Variants in SGMS1 observed in about 807,000 individuals in gnomAD.
SGMS1 encodes the protein sphingomyelin synthase 1, also known as phosphatidylcholine:ceramide cholinephosphotransferase 1.
Under a neutral mutation model 46.2 loss-of-function variants are expected in SGMS1, and 13 were observed. The ratio of observed to expected loss-of-function variants is 0.28; its 90% CI spans 0.18 to 0.45. SGMS1 has a LOEUF of 0.45. Ranked by LOEUF, SGMS1 falls within the 20% of genes least tolerant of loss-of-function variation. The pLI, the probability that SGMS1 is intolerant of heterozygous loss-of-function variation, is 1.00. For synonymous variants in SGMS1, 203 were observed against 187.8 expected (o/e 1.08, Z -0.66); for missense variants, 324 against 519.9 (o/e 0.62, Z 3.66).
rs553846281 is a variant in SGMS1, at chr10:50,596,375, G to A, written c.-683-6128C>T. On this transcript the variant is annotated intron_variant, in intron 1 of 10. Coordinates refer to ENST00000361781, the MANE Select transcript of SGMS1 (RefSeq NM_147156.4). Reference sequence around the variant, plus strand: ...GTATTTTCAGTAGAGACAGGGTTTCGCCATGTTGGCTAAGCTGGTCTTGAA... The same window carrying A: ...GTATTTTCAGTAGAGACAGGGTTTCACCATGTTGGCTAAGCTGGTCTTGAA... Among the ~76,000 whole-genome samples the A allele has an allele frequency of 1.8e-4, 27 of 152,190 alleles. No individual in the cohort carries two copies. The South Asian group carries it at 3.7e-3, about 21-fold the overall frequency.
chr10:50,532,463 T>G (rs563183263), intron 2 of SGMS1, among the ~76,000 whole-genome samples: 35 of 152,128 alleles, frequency 2.3e-4, no homozygotes, highest in Non-Finnish European at 4.7e-4. Flanking sequence ...TTAGAAGTGT[T>G]TTGGTCCTTA....
At chr10:50,372,830 T>C (rs1000440508) in intron 6 of SGMS1, among the ~76,000 whole-genome samples, 1 of 152,174 alleles carries the variant, frequency 6.6e-6, no homozygotes, top group Non-Finnish European at 1.5e-5. Context: ...GGTAAAAAAT[T>C]TCTTAAATAT....
intron 2 of SGMS1, among the ~76,000 whole-genome samples, chr10:50,521,786 A>T (rs1382733778): frequency 1.3e-5 from 2 of 152,100 alleles, no homozygotes; most frequent in Non-Finnish European, 2.9e-5. Context: ...CAAAAGTGAT[A>T]TTTTCTTCTC....
chr10:50,459,429 G>A lies in SGMS1; in HGVS notation c.-313+1244C>T, dbSNP rs1046681810. Among the ~76,000 whole-genome samples, 161 of 152,184 alleles carry A rather than the reference G, an allele frequency of 1.1e-3. 1 individual carries two copies. Among genetic ancestry groups the A allele is most frequent in the African/African-American group, 3.5e-3 (147 of 41,540 alleles). The stretch of plus-strand genomic sequence containing the variant: ...AATAAGAATTTTTTTTTTAGACGGA[G>A]TTTCACTCTTGTTGCCCAGGCTGGA... On this transcript the variant is annotated intron_variant, in intron 5 of 10. Transcript: ENST00000361781.
At chr10:50,399,802 G>A (rs1450979368) in intron 6 of SGMS1, among the ~76,000 whole-genome samples, 3 of 152,086 alleles carry the variant, frequency 2.0e-5, no homozygotes, top group African/African-American at 7.2e-5. Flanking sequence ...GCCGAGGCAG[G>A]CGGATCACGA....
intron 1 of SGMS1, among the ~76,000 whole-genome samples, chr10:50,597,781 G>A (rs1433006508): frequency 6.6e-6 from 1 of 152,106 alleles, no homozygotes; most frequent in Non-Finnish European, 1.5e-5. Context: ...GGGAGGCCGA[G>A]GCAGGTGGAT....
chr10:50,385,359 C>A (rs1030162025), intron 6 of SGMS1, among the ~76,000 whole-genome samples: 3 of 152,142 alleles, frequency 2.0e-5, no homozygotes, highest in African/African-American at 7.2e-5. Context: ...AGTTTTGAAT[C>A]AGGTAGACTT....
chr10:50,375,132 G>A (rs929352646), intron 6 of SGMS1, among the ~76,000 whole-genome samples: 5 of 152,052 alleles, frequency 3.3e-5, no homozygotes, highest in African/African-American at 9.7e-5. Flanking sequence ...AAGAAGTAAG[G>A]AAGTGGGATT....
rs12243860 is a variant in SGMS1, at chr10:50,600,593, G to T, written c.-683-10346C>A. On this transcript the variant is annotated intron_variant, in intron 1 of 10. Transcript: ENST00000361781. Reference sequence around the variant, plus strand: ...ATATGCTTCTCTCCCATCAACAGCTGGGCTGTTGAGCAGATGCCAAATTGA... The same window carrying T: ...ATATGCTTCTCTCCCATCAACAGCTTGGCTGTTGAGCAGATGCCAAATTGA... 3.5e-3 allele frequency among the ~76,000 whole-genome samples: 533 copies of T among 152,298 alleles called. 5 individuals are homozygous for T. Among genetic ancestry groups the T allele is most frequent in the African/African-American group, 0.012 (481 of 41,546 alleles).
At chr10:50,538,173 C>G (rs895968917) in intron 2 of SGMS1, among the ~76,000 whole-genome samples, 2 of 12,850 alleles carry the variant, frequency 1.6e-4, no homozygotes, top group Non-Finnish European at 3.3e-4. Flanking sequence ...AAGAGCTTAT[C>G]AGGGGTGGGT....
At chr10:50,393,609 C>T (rs1275909935) in intron 6 of SGMS1, among the ~76,000 whole-genome samples, 2 of 152,130 alleles carry the variant, frequency 1.3e-5, no homozygotes, top group African/African-American at 4.8e-5. Context: ...TTCCTAGTAA[C>T]TCCATTTCAT....
chr10:50,355,073 C>T (rs1367153734), intron 6 of SGMS1, among the ~76,000 whole-genome samples: 1 of 152,146 alleles, frequency 6.6e-6, no homozygotes, highest in South Asian at 2.1e-4. Context: ...ATCATTTGAC[C>T]CAGCCATCCC....
chr10:50,582,856 A>C (rs932700572), intron 2 of SGMS1, among the ~76,000 whole-genome samples: 2 of 152,282 alleles, frequency 1.3e-5, no homozygotes, highest in African/African-American at 4.8e-5. Flanking sequence ...CAATCATAAC[A>C]CAGAGGCAAG....
chr10:50,428,561 G>C (rs1017380612), intron 6 of SGMS1, among the ~76,000 whole-genome samples: 1 of 152,150 alleles, frequency 6.6e-6, no homozygotes, highest in African/African-American at 2.4e-5. Context: ...AATGATAGAA[G>C]CTGTCCTGTT....
Position 50,439,893 on chromosome 10 carries a change from C to T in SGMS1, c.-312-6337G>A, listed in dbSNP as rs189918109. ...CTTTATATATCTCTATTCCTAAATT[C>T]GTCGATTCATTCAACAGGTATTTTG... On this transcript the variant is annotated intron_variant, in intron 5 of 10. Transcript: ENST00000361781. 1.1e-3 allele frequency among the ~76,000 whole-genome samples: 170 copies of T among 152,236 alleles called. 1 individual carries two copies. The highest frequency in any genetic ancestry group is 3.8e-3 in the African/African-American group (158 of 41,530).
intron 3 of SGMS1, among the ~76,000 whole-genome samples, chr10:50,506,614 C>T (rs1018125843): frequency 6.6e-6 from 1 of 152,142 alleles, no homozygotes; most frequent in African/African-American, 2.4e-5. Context: ...CAGAGCTGCC[C>T]ACTCACTCCT....
At chr10:50,498,456 C>T (rs1035479188) in intron 3 of SGMS1, among the ~76,000 whole-genome samples, 2 of 152,174 alleles carry the variant, frequency 1.3e-5, no homozygotes, top group African/African-American at 2.4e-5. Context: ...AAGAGAAATT[C>T]TGTACCTATT....
intron 8 of SGMS1, among the ~76,000 whole-genome samples, chr10:50,313,403 A>T (rs2574979): frequency 0.65 from 98,240 of 152,076 alleles, 33,171 homozygotes; most frequent in African/African-American, 0.85. Context: ...GTGAATGACA[A>T]AGAGTTAAAT....
At chr10:50,591,921 C>T (rs868791584) in intron 1 of SGMS1, among the ~76,000 whole-genome samples, 2 of 152,340 alleles carry the variant, frequency 1.3e-5, no homozygotes, top group South Asian at 4.1e-4. Flanking sequence ...CAATGACTAA[C>T]ACGCGAAGTA....
Sources: gnomAD v4.1 joint callset for allele counts (sites outside exome capture counted in the v4.1 genomes callset) on GRCh38, gnomAD v4.1.1 for gene constraint, MANE v1.5 for transcripts, NCBI Gene and HGNC (gene_info 2026-07-23, HGNC 2026-07-21) for gene names.